Variants in CDC5L observed in about 807,000 individuals in gnomAD.
CDC5L encodes the protein cell division cycle 5 like.
A neutral mutation model predicts 104.1 loss-of-function variants in CDC5L; 18 were observed. The observed-to-expected ratio is 0.17, with a 90% CI of 0.12 to 0.26. The LOEUF (loss-of-function observed/expected upper bound fraction) is 0.26, where lower values mean the gene tolerates loss of function less well. Ranked by LOEUF, CDC5L falls within the 10% of genes least tolerant of loss-of-function variation. CDC5L has a pLI of 1.00. For missense variants in CDC5L, 673 were observed against 956.9 expected (o/e 0.70, Z 3.91); for synonymous variants, 331 against 322.7 (o/e 1.03, Z -0.28).
In CDC5L at chr6:44,449,284, T is replaced by A. The variant is rs552102155; in HGVS notation, c.*2573T>A. On this transcript the variant is annotated 3_prime_UTR_variant, in exon 16 of 16. Transcript: ENST00000371477. ...CACTTGAAATGGTGAACAGACACAC[T>A]GTTATCCTTTGTCAGTATCCTGTAA... The A allele has an allele frequency of 6.6e-6, 1 of 152,314 alleles. No individual in the cohort carries two copies. Among genetic ancestry groups the A allele is most frequent in the South Asian group, 2.1e-4 (1 of 4,820 alleles). The allele number at this position is 152,314 out of a possible 1,614,324, so 9.4% of individuals were successfully genotyped here. A position where few individuals can be genotyped will look rare whatever the true frequency, so the allele number is the denominator to read the frequency against.
intron 8 of CDC5L, among the ~76,000 whole-genome samples, chr6:44,414,129 G>T (rs1476468305): frequency 6.6e-6 from 1 of 152,158 alleles, no homozygotes; most frequent in Non-Finnish European, 1.5e-5. Flanking sequence ...ACACAGGCTG[G>T]AGTGCAGTGG....
intron 14 of CDC5L, among the ~76,000 whole-genome samples, chr6:44,437,957 T>C (rs1793009642): frequency 6.6e-6 from 1 of 152,212 alleles, no homozygotes; most frequent in Admixed American, 6.5e-5. Flanking sequence ...CTGAATTGTT[T>C]TACTTTTTTG....
chr6:44,409,856 G>C (rs1220839313), intron 8 of CDC5L, among the ~76,000 whole-genome samples: 1 of 151,760 alleles, frequency 6.6e-6, no homozygotes, highest in Non-Finnish European at 1.5e-5. Context: ...TGGCTTTCTT[G>C]GTTTACTCCC....
chr6:44,395,845 G>A (rs1390332024), intron 4 of CDC5L, among the ~76,000 whole-genome samples: 2 of 152,048 alleles, frequency 1.3e-5, no homozygotes, highest in African/African-American at 4.8e-5. Flanking sequence ...ATAGAGCCAC[G>A]AAAAATGTAT....
At chr6:44,441,368 T>C (rs918697212) in intron 14 of CDC5L, among the ~76,000 whole-genome samples, 1 of 152,238 alleles carries the variant, frequency 6.6e-6, no homozygotes, top group African/African-American at 2.4e-5. Context: ...GTGTATACCA[T>C]ATTTTAAAAA....
intron 14 of CDC5L, among the ~76,000 whole-genome samples, chr6:44,431,432 GC>G (rs949297497): frequency 2.4e-4 from 37 of 152,154 alleles, no homozygotes; most frequent in Non-Finnish European, 4.7e-4. Context: ...ATGGTAGTTA[GC>G]AGTGTAATTG....
In CDC5L at chr6:44,447,702, G is replaced by T. The variant is rs80033344; in HGVS notation, c.*991G>T. The T allele has an allele frequency of 3.3e-3, 497 of 152,270 alleles. 1 individual carries two copies. The highest frequency in any genetic ancestry group is 0.011 in the African/African-American group (470 of 41,556). The allele number at this position is 152,270 out of a possible 1,614,324, so 9.4% of individuals were successfully genotyped here. On this transcript the variant is annotated 3_prime_UTR_variant, in exon 16 of 16. Coordinates refer to ENST00000371477, the MANE Select transcript of CDC5L (RefSeq NM_001253.4). ...ACCCTGTGCCAGAGTCTTAGAGAGA[G>T]AACAACAAACAAAATAGGCCTAGTT...
chr6:44,404,904 G>A (rs1287138770), intron 6 of CDC5L, among the ~76,000 whole-genome samples: 1 of 151,942 alleles, frequency 6.6e-6, no homozygotes, highest in Non-Finnish European at 1.5e-5. Flanking sequence ...TGTTATCCAT[G>A]CTGGCCTTGA....
intron 8 of CDC5L, among the ~76,000 whole-genome samples, chr6:44,418,541 T>G (rs1792005475): frequency 6.6e-6 from 1 of 152,188 alleles, no homozygotes; most frequent in Admixed American, 6.5e-5. Flanking sequence ...CAAATGGTAT[T>G]TCTAGTTCTA....
At chr6:44,388,942 A>C (rs201477632) in intron 1 of CDC5L, among the ~76,000 whole-genome samples, 1 of 1,838 alleles carries the variant, frequency 5.4e-4, no homozygotes, top group Non-Finnish European at 2.3e-3. Context: ...ATAATACTTA[A>C]CCTCTCTTGA....
rs777791487 is a variant in CDC5L at position 44,426,684 on chromosome 6, A to G, written c.1853A>G (p.His618Arg). The G allele has an allele frequency of 5.0e-5, 80 of 1,612,820 alleles. No individual in the cohort carries two copies. The highest frequency in any genetic ancestry group is 6.6e-5 in the Non-Finnish European group (78 of 1,179,272). Reference protein sequence around the residue: ...NNSEHITYLEHNPYEKFSKEE... With the variant: ...NNSEHITYLERNPYEKFSKEE... ...TCAGAGCACATTACCTATCTGGAAC[A>G]TAATCCTTATGAAAAGTTCTCCAAA... Residue 618 changes from histidine (H) to arginine (R), a missense_variant, in exon 13 of 16, where the codon CAT becomes CGT. Physicochemically the swap from His to Arg is conservative, Grantham distance 29. This residue lies in a region of CDC5L where 578 missense variants were observed against 737.0 expected (regional missense o/e 0.78). Transcript: ENST00000371477.
chr6:44,426,836 A>G (rs1792444400), intron 13 of CDC5L, 112 bp downstream of exon 13: 1 of 1,026,822 alleles, frequency 9.7e-7, no homozygotes. Flanking sequence ...AAACAACTGA[A>G]ATGTATGATT....
intron 14 of CDC5L, 116 bp downstream of exon 14, chr6:44,430,026 AGTT>A (rs1792604520): frequency 1.4e-6 from 1 of 712,488 alleles, no homozygotes; most frequent in Non-Finnish European, 2.3e-6. Context: ...TTGCCTTTTT[AGTT>A]GTTGGAGAAA....
At chr6:44,420,258 A>G (rs182928537) in intron 9 of CDC5L, among the ~76,000 whole-genome samples, 6 of 152,306 alleles carry the variant, frequency 3.9e-5, no homozygotes, top group African/African-American at 1.2e-4. Flanking sequence ...AAAACCACAC[A>G]AATTCCAGAT....
chr6:44,404,171 G>A, intron 6 of CDC5L, 144 bp downstream of exon 6: 1 of 499,606 alleles, frequency 2.0e-6, no homozygotes, highest in Non-Finnish European at 3.3e-6. Context: ...TTGAGACAGG[G>A]TCTTGCTGTG....
intron 10 of CDC5L, among the ~76,000 whole-genome samples, chr6:44,423,548 A>G (rs1181498901): frequency 6.6e-6 from 1 of 152,204 alleles, no homozygotes; most frequent in South Asian, 2.1e-4. Flanking sequence ...TTTGTTGGGT[A>G]ACAGGAAAGC....
At position 44,419,505 on chromosome 6, in the gene CDC5L, T is replaced by A; in HGVS notation, c.1149T>A (p.Leu383=). 6.2e-7 allele frequency: 1 copy of A among 1,613,966 alleles called. No individual in the cohort carries two copies. The highest frequency in any genetic ancestry group is 8.5e-7 in the Non-Finnish European group (1 of 1,179,778). Reference sequence around the variant, plus strand: ...TGGACACCCCATTGAAAGGTGGACTTAATACCCCATTGCATGAGAGTGACT... The same window carrying A: ...TGGACACCCCATTGAAAGGTGGACTAAATACCCCATTGCATGAGAGTGACT... ...TNVDTPLKGG[L]NTPLHESDFS... is the part of the protein sequence containing the mutation. The change falls in exon 9 of 16, where the codon CTT becomes CTA. Residue 383 remains leucine (L), a synonymous_variant. Coordinates refer to ENST00000371477, the MANE Select transcript of CDC5L (RefSeq NM_001253.4).
Position 44,430,047 on chromosome 6 carries a change from T to G in CDC5L, c.2091+137T>G, listed in dbSNP as rs549219543. The G allele has an allele frequency of 1.2e-4, 77 of 646,556 alleles. No individual in the cohort carries two copies. The African/African-American group carries it at 1.3e-3, about 11-fold the overall frequency. The allele number at this position is 646,556 out of a possible 1,614,324, so 40.1% of individuals were successfully genotyped here. A position where few individuals can be genotyped will look rare whatever the true frequency, so the allele number is the denominator to read the frequency against. On this transcript the variant is annotated intron_variant, in intron 14 of 15. Coordinates refer to ENST00000371477, the MANE Select transcript of CDC5L (RefSeq NM_001253.4). ...TTTTAGTTGTTGGAGAAAACTACAC[T>G]TAAGTGTTGGATCTTCTTGGCCTTG...
chr6:44,408,156 A>C (rs992036673), intron 7 of CDC5L, among the ~76,000 whole-genome samples: 1 of 152,198 alleles, frequency 6.6e-6, no homozygotes, highest in African/African-American at 2.4e-5. Flanking sequence ...TCAAAGCCAC[A>C]AAAAAGATGA....
Sources: gnomAD v4.1 joint callset for allele counts (sites outside exome capture counted in the v4.1 genomes callset) on GRCh38, gnomAD v4.1.1 for gene constraint, gnomAD v4.1.1 regional missense constraint, MANE v1.5 for transcripts, NCBI Gene and HGNC (gene_info 2026-07-23, HGNC 2026-07-21) for gene names.